The following GAS7 variants were observed in gnomAD, a reference collection of about 807,000 sequenced individuals.
GAS7 encodes the protein growth arrest-specific protein 7.
GAS7 carries 28 observed loss-of-function variants against 71.1 expected under a neutral mutation model. The ratio of observed to expected loss-of-function variants is 0.39; its 90% confidence interval spans 0.29 to 0.54. GAS7 has a LOEUF of 0.54. Among genes scored for constraint, GAS7 ranks in the 20% least tolerant of loss-of-function variants. GAS7 has a pLI of 0.62. For missense variants in GAS7, 436 were observed against 627.8 expected, an observed-to-expected ratio of 0.69 and a Z score of 3.27; for synonymous variants, 258 against 245.8, an observed-to-expected ratio of 1.05 and a Z score of -0.46.
chr17:10,123,994 T>C (rs2073924745), intron 1 of GAS7, among the ~76,000 whole-genome samples: 1 of 152,202 alleles, frequency 6.6e-6, no homozygotes. Flanking sequence ...TGGGAGCCCT[T>C]GCCAGGCCTC....
chr17:9,910,703 T>G lies in GAS7; in HGVS notation c.*6525A>C, dbSNP rs2067411997. On this transcript the variant is annotated 3_prime_UTR_variant, in exon 14 of 14. Coordinates refer to ENST00000432992, the MANE Select transcript of GAS7 (RefSeq NM_201433.2). Reference sequence around the variant, plus strand: ...CTTTAAACATTTAATTCTTCAGCATTAATACACACAAATGCGGTAACAGGG... The same window carrying G: ...CTTTAAACATTTAATTCTTCAGCATGAATACACACAAATGCGGTAACAGGG... The G allele has an allele frequency of 4.7e-6, 1 of 211,298 alleles. No homozygotes were observed. Among genetic ancestry groups the G allele is most frequent in the South Asian group, 1.9e-4 (1 of 5,326 alleles). The allele number at this position is 211,298 out of a possible 1,614,324, so 13.1% of individuals were successfully genotyped here.
chr17:10,128,672 T>C (rs543139594), intron 1 of GAS7, among the ~76,000 whole-genome samples: 42 of 150,780 alleles, frequency 2.8e-4, no homozygotes, highest in African/African-American at 1.0e-3. Flanking sequence ...CACGCTGGAG[T>C]GCAGCGGCGT....
intron 1 of GAS7, among the ~76,000 whole-genome samples, chr17:10,154,872 T>G (rs1047281086): frequency 2.0e-5 from 3 of 149,292 alleles, no homozygotes; most frequent in Non-Finnish European, 4.4e-5. Flanking sequence ...AAACGCTTCA[T>G]AAAGGTGGAG....
intron 1 of GAS7, among the ~76,000 whole-genome samples, chr17:10,132,655 C>T (rs2074005953): frequency 6.6e-6 from 1 of 152,028 alleles, no homozygotes; most frequent in Admixed American, 6.6e-5. Context: ...GTAGTCCTAG[C>T]TGCTTGGGAG....
intron 1 of GAS7, among the ~76,000 whole-genome samples, chr17:10,091,819 C>T (rs2073585179): frequency 6.6e-6 from 1 of 152,140 alleles, no homozygotes; most frequent in African/African-American, 2.4e-5. Flanking sequence ...GTAGCAGGGA[C>T]TGCAGGCACA....
rs185084389 is a variant in GAS7, at chr17:10,118,426, G to A, written c.183+79782C>T. ...TGCCAGTCAATTCCAAAAAGCCCTC[G>A]TGGGCTGGGCGCAGTGGCTCACGCC... On this transcript the variant is annotated intron_variant, in intron 1 of 13. Transcript: ENST00000432992. Among the ~76,000 whole-genome samples, 600 of 152,182 alleles carry A rather than the reference G, an allele frequency of 3.9e-3. 4 individuals are homozygous for A. The highest frequency in any genetic ancestry group is 0.012 in the African/African-American group (484 of 41,556).
At chr17:10,113,641 T>C (rs546172130) in intron 1 of GAS7, among the ~76,000 whole-genome samples, 7 of 152,326 alleles carry the variant, frequency 4.6e-5, no homozygotes, top group African/African-American at 1.7e-4. Flanking sequence ...TGCCTCTCAC[T>C]TCCCGACACA....
At position 9,956,948 on chromosome 17, in the gene GAS7, G is replaced by A. The variant is rs78025230; in HGVS notation, c.525+2254C>T. ...AGGAAGAGGCTGGGCATGGGAGAGC[G>A]GTGTTGTGTGGAAGGGAAAAGGCAC... On this transcript the variant is annotated intron_variant, in intron 5 of 13. Transcript: ENST00000432992. 7.3e-3 allele frequency among the ~76,000 whole-genome samples: 1,113 copies of A among 152,270 alleles called. 23 individuals are homozygous for A. The highest frequency in any genetic ancestry group is 0.068 in the East Asian group (351 of 5,158).
chr17:10,090,150 TAGAG>T lies in GAS7; in HGVS notation c.184-70257_184-70254del, dbSNP rs368467678. On this transcript the variant is annotated intron_variant, in intron 1 of 13. Transcript: ENST00000432992. ...TGCCACTGCACTACAGCCTCGGCAA[TAGAG>T]AGAGACTCCGTCTCCAAAAAAAAAA... Among the ~76,000 whole-genome samples the T allele has an allele frequency of 7.8e-3, 1,165 of 149,470 alleles. 19 individuals carry two copies. Among genetic ancestry groups the T allele is most frequent in the African/African-American group, 0.027 (1,099 of 40,512 alleles).
intron 1 of GAS7, among the ~76,000 whole-genome samples, chr17:10,146,942 G>C (rs1454488805): frequency 7.8e-6 from 1 of 127,520 alleles, no homozygotes. Flanking sequence ...GATCGCGCCA[G>C]AGCGAGACTC....
At chr17:10,180,060 G>A (rs2074402429) in intron 1 of GAS7, among the ~76,000 whole-genome samples, 1 of 152,116 alleles carries the variant, frequency 6.6e-6, no homozygotes, top group South Asian at 2.1e-4. Context: ...GAAACTAATG[G>A]CTGGGCGTGG....
At chr17:9,942,156 A>G (rs1015123877) in intron 7 of GAS7, among the ~76,000 whole-genome samples, 1 of 152,122 alleles carries the variant, frequency 6.6e-6, no homozygotes, top group Admixed American at 6.6e-5. Flanking sequence ...CCAGAGGCTG[A>G]GACAGGAGAA....
At chr17:10,102,817 C>T (rs1224207047) in intron 1 of GAS7, among the ~76,000 whole-genome samples, 1 of 151,908 alleles carries the variant, frequency 6.6e-6, no homozygotes, top group Non-Finnish European at 1.5e-5. Context: ...TTGACAAGAC[C>T]CATTTTAAAC....
intron 1 of GAS7, among the ~76,000 whole-genome samples, chr17:10,054,874 G>C (rs2073114851): frequency 6.6e-6 from 1 of 152,148 alleles, no homozygotes; most frequent in Non-Finnish European, 1.5e-5. Context: ...ACCTTCTTTG[G>C]AAAGGAAGCA....
At position 10,195,730 on chromosome 17, in the gene GAS7, C is replaced by T. The variant is rs571210777; in HGVS notation, c.183+2478G>A. Among the ~76,000 whole-genome samples, 16 of 152,264 alleles carry T rather than the reference C, an allele frequency of 1.1e-4. No homozygotes were observed. The South Asian group carries it at 3.3e-3, about 32-fold the overall frequency. ...GATGCTGGCCAGTCTACCCACCAGC[C>T]TGGGGACCTCTGCATTCTCTGAGTC... On this transcript the variant is annotated intron_variant, in intron 1 of 13. Coordinates refer to ENST00000432992, the MANE Select transcript of GAS7 (RefSeq NM_201433.2).
intron 1 of GAS7, among the ~76,000 whole-genome samples, chr17:10,085,747 T>C (rs2073512725): frequency 6.6e-6 from 1 of 150,730 alleles, no homozygotes; most frequent in Non-Finnish European, 1.5e-5. Context: ...CATCCCTTAC[T>C]GAGTGATGTG....
At chr17:10,121,799 G>C (rs2073906428) in intron 1 of GAS7, among the ~76,000 whole-genome samples, 1 of 151,906 alleles carries the variant, frequency 6.6e-6, no homozygotes. Flanking sequence ...CTCTCCCTTG[G>C]GCTTCCCCAG....
At chr17:10,142,618 C>G (rs12452526) in intron 1 of GAS7, among the ~76,000 whole-genome samples, 52,298 of 152,094 alleles carry the variant, frequency 0.34, 10,070 homozygotes, top group Non-Finnish European at 0.42. Flanking sequence ...TCCCCAAGTC[C>G]TGGGATTACA....
At chr17:10,169,519 G>GT (rs2074319880) in intron 1 of GAS7, among the ~76,000 whole-genome samples, 1 of 152,122 alleles carries the variant, frequency 6.6e-6, no homozygotes, top group African/African-American at 2.4e-5. Flanking sequence ...GTCCCTGATG[G>GT]TTTTCCATTC....
Sources: gnomAD v4.1 joint callset for allele counts (sites outside exome capture counted in the v4.1 genomes callset) on GRCh38, gnomAD v4.1.1 for gene constraint, MANE v1.5 for transcripts, NCBI Gene and HGNC (gene_info 2026-07-23, HGNC 2026-07-21) for gene names.